Variants in TAF5L observed in about 807,000 individuals in gnomAD.
The protein encoded by TAF5L is TAF5-like RNA polymerase II p300/CBP-associated factor-associated factor 65 kDa subunit 5L.
A neutral mutation model predicts 51.3 loss-of-function variants in TAF5L; 7 were observed. That is an observed-to-expected ratio of 0.14 (90% CI 0.08 to 0.26). The LOEUF is 0.26. Among genes scored for constraint, TAF5L ranks in the 10% least tolerant of loss-of-function variants. The probability of loss-of-function intolerance (pLI) is 1.00; values close to 1 mark genes in which losing one functional copy is unlikely to be tolerated. For missense variants in TAF5L, 575 were observed against 758.9 expected (o/e 0.76, Z 2.85); for synonymous variants, 291 against 308.1 (o/e 0.94, Z 0.58).
rs16860122 is a variant in TAF5L, at chr1:229,602,101, T to C, written c.972+94A>G. 4,341 of 1,529,054 alleles carry C rather than the reference T, an allele frequency of 2.8e-3. 103 individuals carry two copies. The African/African-American group carries it at 0.048, about 17-fold the overall frequency. 94.7% of individuals were successfully genotyped at this position (1,529,054 alleles called of 1,614,324 possible). ...GCTTTAGCTATATGATGAGGGAAACTAGGAAGTCCATTCTAAGATATGTCG... is the reference window on the plus strand; with the variant it reads ...GCTTTAGCTATATGATGAGGGAAACCAGGAAGTCCATTCTAAGATATGTCG... On this transcript the variant is annotated intron_variant, in intron 4 of 4. Coordinates refer to ENST00000258281, the Ensembl canonical transcript of TAF5L. This position sits in a 1 kb window ranked among gnomAD's most constrained non-coding sequence, Gnocchi z 4.6.
In TAF5L at chr1:229,594,863, C is replaced by T. The variant is rs1214700475; in HGVS notation, c.1204G>A (p.Gly402Arg). Reference sequence around the variant, plus strand: ...AGCCTGGCGGTGCGGTCGTGGGACCCGCTGGCGAAGTACAGGCTATATGGA... The same window carrying T: ...AGCCTGGCGGTGCGGTCGTGGGACCTGCTGGCGAAGTACAGGCTATATGGA... The change falls in exon 5 of 5, where the codon GGG becomes AGG. Residue 402 changes from glycine to arginine, a missense_variant. By Grantham distance (125) the Gly-to-Arg change is moderately radical. Transcript: ENST00000258281. This position sits in a 1 kb window ranked among gnomAD's most constrained non-coding sequence, Gnocchi z 7.9. The T allele has an allele frequency of 6.2e-7, 1 of 1,614,056 alleles. No individual in the cohort carries two copies. Among genetic ancestry groups the T allele is most frequent in the Non-Finnish European group, 8.5e-7 (1 of 1,180,038 alleles).
chr1:229,605,189 C>CT (rs1461528367), intron 3 of TAF5L, among the ~76,000 whole-genome samples: 3 of 151,806 alleles, frequency 2.0e-5, no homozygotes, highest in Non-Finnish European at 4.4e-5. Flanking sequence ...GAGCTCCTGA[C>CT]TTTAAGTGAT....
chr1:229,594,114 C>T lies in TAF5L; in HGVS notation c.*183G>A. 1.5e-6 allele frequency: 1 copy of T among 656,904 alleles called. No homozygotes were observed. Among genetic ancestry groups the T allele is most frequent in the Non-Finnish European group, 2.6e-6 (1 of 381,622 alleles). The allele number at this position is 656,904 out of a possible 1,614,324, so 40.7% of individuals were successfully genotyped here. A position where few individuals can be genotyped will look rare whatever the true frequency, so the allele number is the denominator to read the frequency against. On this transcript the variant is annotated 3_prime_UTR_variant, in exon 5 of 5. Coordinates refer to ENST00000258281, the Ensembl canonical transcript of TAF5L. The surrounding 1 kb of genome is among the most constrained non-coding windows in gnomAD (Gnocchi z 7.9). ...TCATCATTGCCTCTCTCCTGTTCCC[C>T]TCCCCAACCTTGGCCTTCGACACTG...
At chr1:229,612,397 G>A (rs1209312659) in intron 2 of TAF5L, among the ~76,000 whole-genome samples, 8 of 152,160 alleles carry the variant, frequency 5.3e-5, no homozygotes, top group Non-Finnish European at 8.8e-5. Context: ...AGGATGCAGG[G>A]CAGCAGATTT....
intron 1 of TAF5L, among the ~76,000 whole-genome samples, chr1:229,617,591 G>GA (rs1180166737): frequency 2.0e-5 from 3 of 152,192 alleles, no homozygotes; most frequent in Admixed American, 6.5e-5. Context: ...CCTCTGACAG[G>GA]AAAAAACTCT....
intron 4 of TAF5L, among the ~76,000 whole-genome samples, chr1:229,597,588 C>T (rs901549949): frequency 3.3e-5 from 5 of 152,214 alleles, no homozygotes; most frequent in African/African-American, 4.8e-5. Context: ...AAGGGCCCAA[C>T]GCCATGGGTT....
rs1205940409 is a variant in TAF5L at position 229,625,824 on chromosome 1, CCGCGCGCG to C, written c.-4+53_-4+60del. Reference sequence around the variant, plus strand: ...CCCCACCGCCCCGGCCCCCGCCCGCCCGCGCGCGCGCGCGCCTCGCGACCCTCCCGGCC... The same window carrying C: ...CCCCACCGCCCCGGCCCCCGCCCGCCCGCGCGCCTCGCGACCCTCCCGGCC... On this transcript the variant is annotated intron_variant, in intron 1 of 4. Transcript: ENST00000258281. This position sits in a 1 kb window ranked among gnomAD's most constrained non-coding sequence, Gnocchi z 4.0. 2.2e-5 allele frequency: 3 copies of C among 138,774 alleles called. No homozygotes were observed. The highest frequency in any genetic ancestry group is 7.0e-5 in the Admixed American group (1 of 14,356). 8.6% of individuals were successfully genotyped at this position (138,774 alleles called of 1,614,324 possible). A position where few individuals can be genotyped will look rare whatever the true frequency, so the allele number is the denominator to read the frequency against.
chr1:229,599,723 G>A, intron 4 of TAF5L: 4 of 791,236 alleles, frequency 5.1e-6, no homozygotes, highest in Non-Finnish European at 6.1e-6. Flanking sequence ...TGGCTATTGT[G>A]AATAATGCTT....
intron 3 of TAF5L, among the ~76,000 whole-genome samples, chr1:229,608,454 C>T (rs1020402828): frequency 3.3e-5 from 5 of 152,048 alleles, no homozygotes; most frequent in Non-Finnish European, 5.9e-5. Context: ...TTAAATATTT[C>T]AGTGCAGTGA....
chr1:229,619,111 G>A (rs939314451), intron 1 of TAF5L, among the ~76,000 whole-genome samples: 1 of 152,120 alleles, frequency 6.6e-6, no homozygotes, highest in African/African-American at 2.4e-5. Context: ...GGTAACTCAA[G>A]TTATTAGTTC....
chr1:229,609,427 T>C (rs1664712097), intron 3 of TAF5L, among the ~76,000 whole-genome samples: 1 of 152,244 alleles, frequency 6.6e-6, no homozygotes, highest in Non-Finnish European at 1.5e-5. Flanking sequence ...ACTCGGTTGA[T>C]TGCTAAAGTG....
At chr1:229,622,045 CTATCTATCT>C (rs1029935513) in intron 1 of TAF5L, among the ~76,000 whole-genome samples, 10 of 148,456 alleles carry the variant, frequency 6.7e-5, no homozygotes, top group Admixed American at 5.3e-4. Flanking sequence ...ATCTATCTAT[CTATCTATCT>C]ATCTATCTAT....
chr1:229,600,576 A>G (rs956510088), intron 4 of TAF5L: 1 of 985,004 alleles, frequency 1.0e-6, no homozygotes, highest in African/African-American at 1.7e-5. Context: ...CACTGCCACT[A>G]CCCTAGTTTG....
At chr1:229,599,625 T>G (rs565397831) in intron 4 of TAF5L, 1 of 198,006 alleles carries the variant, frequency 5.1e-6, no homozygotes, top group African/African-American at 2.4e-5. Context: ...TCATTTCTTT[T>G]TATGGGCAAA....
intron 2 of TAF5L, among the ~76,000 whole-genome samples, chr1:229,611,667 CCATTA>C (rs1664796736): frequency 6.6e-6 from 1 of 152,174 alleles, no homozygotes; most frequent in Non-Finnish European, 1.5e-5. Flanking sequence ...CTCTCCACTC[CCATTA>C]CCACTTCCTC....
chr1:229,612,539 TG>T (rs1664824997), intron 2 of TAF5L, among the ~76,000 whole-genome samples: 1 of 152,226 alleles, frequency 6.6e-6, no homozygotes, highest in Non-Finnish European at 1.5e-5. Flanking sequence ...GGCCCTGTTT[TG>T]GTCAAGGGTA....
intron 4 of TAF5L, chr1:229,600,771 T>C: frequency 1.0e-6 from 1 of 985,468 alleles, no homozygotes; most frequent in African/African-American, 1.7e-5. Flanking sequence ...CAGAGCTAGT[T>C]ACCAGTAGTG....
Position 229,594,401 on chromosome 1 carries a change from C to T in TAF5L, c.1666G>A (p.Val556Met), listed in dbSNP as rs372457195. Residue 556 changes from valine to methionine, a missense_variant, in exon 5 of 5, where the codon GTG (valine) becomes ATG (methionine). Physicochemically the swap from Val to Met is conservative, Grantham distance 21. Coordinates refer to ENST00000258281, the Ensembl canonical transcript of TAF5L. The surrounding 1 kb of genome is among the most constrained non-coding windows in gnomAD (Gnocchi z 7.9). ...CTCATCTGCCCGGTGTACACGCCCA[C>T]GAGCTCGCTGGAGGAGCCGTCGGCA... 4.4e-5 allele frequency: 71 copies of T among 1,614,084 alleles called. No homozygotes were observed. The highest frequency in any genetic ancestry group is 1.3e-4 in the South Asian group (12 of 91,088).
At position 229,594,247 on chromosome 1, in the gene TAF5L, A is replaced by C. The variant is rs1664028474; in HGVS notation, c.*50T>G. ...AATCTCAGCTCATTGAAGGATTGCA[A>C]CTGGAGGCTTTCCACTGTTACCCCA... is the stretch of plus-strand genomic sequence containing the variant. On this transcript the variant is annotated 3_prime_UTR_variant, in exon 5 of 5. Coordinates refer to ENST00000258281, the Ensembl canonical transcript of TAF5L. The surrounding 1 kb of genome is among the most constrained non-coding windows in gnomAD (Gnocchi z 7.9). The C allele has an allele frequency of 6.5e-7, 1 of 1,545,970 alleles. No individual in the cohort carries two copies. Among genetic ancestry groups the C allele is most frequent in the African/African-American group, 1.4e-5 (1 of 73,364 alleles).
Sources: gnomAD v4.1 joint callset for allele counts (sites outside exome capture counted in the v4.1 genomes callset) on GRCh38, gnomAD v4.1.1 for gene constraint, Gnocchi (gnomAD v3.1) non-coding constraint, MANE v1.5 for transcripts, NCBI Gene and HGNC (gene_info 2026-07-23, HGNC 2026-07-21) for gene names.